SIMC1: variants seen among roughly 807,000 people sequenced by gnomAD.
SIMC1 encodes SUMO interacting motifs containing 1, also known as SUMO-interacting motif-containing protein 1.
In SIMC1, 55 loss-of-function variants were observed where a neutral mutation model predicts 82.3. The observed-to-expected ratio is 0.67, with a 90% confidence interval of 0.54 to 0.84. SIMC1 has a LOEUF of 0.84. SIMC1 is among the 40% of genes least tolerant of loss of function. SIMC1 has a pLI of 0.00. For synonymous variants in SIMC1, 353 were observed against 426.3 expected (o/e 0.83, Z 2.12); for missense variants, 915 against 1,107.2 (o/e 0.83, Z 2.46).
At chr5:176,259,727 C>T (rs923362619) in intron 1 of SIMC1, among the ~76,000 whole-genome samples, 8 of 150,798 alleles carry the variant, frequency 5.3e-5, no homozygotes, top group South Asian at 2.1e-4. Flanking sequence ...GAGCCGAAAT[C>T]GTGCCACTGC....
At chr5:176,325,906 A>G (rs1765375225) in intron 7 of SIMC1, among the ~76,000 whole-genome samples, 1 of 152,168 alleles carries the variant, frequency 6.6e-6, no homozygotes, top group Admixed American at 6.5e-5. Context: ...GACCCCAGAT[A>G]GTAAGAATTA....
chr5:176,247,281 C>G lies in SIMC1; in HGVS notation c.129+8644C>G, dbSNP rs1761483915. ...CTCTCCAGCATCTGTTGGTTCCTGACTTTTTAATGATTGCCATTCTAACTG... is the reference window on the plus strand; with the variant it reads ...CTCTCCAGCATCTGTTGGTTCCTGAGTTTTTAATGATTGCCATTCTAACTG... On this transcript the variant is annotated intron_variant, in intron 1 of 9. Transcript: ENST00000429602. Among the ~76,000 whole-genome samples, 4 of 152,232 alleles carry G rather than the reference C, an allele frequency of 2.6e-5. 1 individual carries two copies. The South Asian group carries it at 8.3e-4, about 32-fold the overall frequency.
chr5:176,299,064 C>A (rs775663794), intron 4 of SIMC1, among the ~76,000 whole-genome samples: 2 of 152,164 alleles, frequency 1.3e-5, no homozygotes, highest in African/African-American at 4.8e-5. Flanking sequence ...AACTATATGC[C>A]ATCTACAAGA....
chr5:176,271,303 T>A (rs1157077098), intron 1 of SIMC1, among the ~76,000 whole-genome samples: 1 of 152,084 alleles, frequency 6.6e-6, no homozygotes, highest in Non-Finnish European at 1.5e-5. Flanking sequence ...GAAGTTGCAG[T>A]GAGCCAAGAT....
intron 7 of SIMC1, among the ~76,000 whole-genome samples, chr5:176,335,273 CTTTTTTTTT>C (rs1225021593): frequency 1.0e-5 from 1 of 98,670 alleles, no homozygotes; most frequent in Non-Finnish European, 1.9e-5. Context: ...TTCTTTGTAT[CTTTTTTTTT>C]TTTTTTTTTT....
intron 1 of SIMC1, among the ~76,000 whole-genome samples, chr5:176,254,286 A>G (rs1761781784): frequency 6.6e-6 from 1 of 152,178 alleles, no homozygotes; most frequent in Non-Finnish European, 1.5e-5. Context: ...AAAAGGTAGG[A>G]TTAAGAGGAG....
intron 7 of SIMC1, among the ~76,000 whole-genome samples, chr5:176,333,749 T>TG (rs1351718295): frequency 6.8e-6 from 1 of 147,372 alleles, no homozygotes; most frequent in East Asian, 2.0e-4. Flanking sequence ...ATTTTTAATA[T>TG]TTTTTTTTTT....
intron 6 of SIMC1, among the ~76,000 whole-genome samples, chr5:176,324,361 G>A (rs1326970215): frequency 6.6e-6 from 1 of 152,080 alleles, no homozygotes; most frequent in Non-Finnish European, 1.5e-5. Context: ...TTCTATTTTT[G>A]AATTTAAAAG....
chr5:176,292,291 G>A (rs1225701351), intron 2 of SIMC1, among the ~76,000 whole-genome samples: 1 of 152,004 alleles, frequency 6.6e-6, no homozygotes, highest in Admixed American at 6.6e-5. Flanking sequence ...AAAATAACTG[G>A]CTAAGTTCCA....
intron 1 of SIMC1, among the ~76,000 whole-genome samples, chr5:176,256,020 C>T (rs1357851412): frequency 6.6e-6 from 1 of 152,110 alleles, no homozygotes. Flanking sequence ...AAAAGTTTAA[C>T]TACTGAGATA....
intron 4 of SIMC1, among the ~76,000 whole-genome samples, chr5:176,311,156 G>T (rs1485719516): frequency 6.6e-6 from 1 of 152,174 alleles, no homozygotes; most frequent in Non-Finnish European, 1.5e-5. Context: ...GGTAATGTTT[G>T]CACAACTCAG....
intron 7 of SIMC1, among the ~76,000 whole-genome samples, chr5:176,333,174 C>T (rs1019332859): frequency 2.6e-5 from 4 of 151,726 alleles, no homozygotes; most frequent in Non-Finnish European, 4.4e-5. Context: ...CGTGGTGGTG[C>T]GCACCTGTCA....
At chr5:176,304,537 C>CA (rs1347279339) in intron 4 of SIMC1, 1 of 153,782 alleles carries the variant, frequency 6.5e-6, no homozygotes, top group Admixed American at 6.6e-5. Context: ...CGGCTCACTA[C>CA]AACCTACACC....
At chr5:176,332,787 A>G (rs566026904) in intron 7 of SIMC1, among the ~76,000 whole-genome samples, 2 of 152,140 alleles carry the variant, frequency 1.3e-5, no homozygotes, top group Admixed American at 6.5e-5. Context: ...ATCTTTTTCC[A>G]ATTTCCCCCA....
chr5:176,247,325 T>C (rs1198542975), intron 1 of SIMC1, among the ~76,000 whole-genome samples: 4 of 152,316 alleles, frequency 2.6e-5, no homozygotes, highest in South Asian at 2.1e-4. Flanking sequence ...TAGTGTATCA[T>C]TGTGCTTTTG....
intron 5 of SIMC1, among the ~76,000 whole-genome samples, chr5:176,317,571 T>A (rs1764972169): frequency 6.6e-6 from 1 of 152,114 alleles, no homozygotes; most frequent in South Asian, 2.1e-4. Flanking sequence ...CTCCCCACAT[T>A]CCCCATCACA....
At chr5:176,336,260 G>T (rs555379680) in intron 7 of SIMC1, among the ~76,000 whole-genome samples, 5 of 152,016 alleles carry the variant, frequency 3.3e-5, no homozygotes, top group Non-Finnish European at 7.4e-5. Context: ...TGTATCTCTG[G>T]AGCACCACTA....
At chr5:176,277,605 T>C (rs1458444154) in intron 1 of SIMC1, among the ~76,000 whole-genome samples, 3 of 152,032 alleles carry the variant, frequency 2.0e-5, no homozygotes, top group Admixed American at 6.6e-5. Flanking sequence ...GTCTTTAATC[T>C]ATCTTGAATT....
At chr5:176,309,006 T>A (rs1229427807) in intron 4 of SIMC1, 4 of 813,972 alleles carry the variant, frequency 4.9e-6, no homozygotes, top group Non-Finnish European at 8.9e-6. Flanking sequence ...CTTTCTTCTC[T>A]GGAATAAAGC....
Sources: gnomAD v4.1 joint callset for allele counts (sites outside exome capture counted in the v4.1 genomes callset) on GRCh38, gnomAD v4.1.1 for gene constraint, MANE v1.5 for transcripts, NCBI Gene and HGNC (gene_info 2026-07-23, HGNC 2026-07-21) for gene names.